The following SPG11 variants were observed in gnomAD, a reference collection of about 807,000 sequenced individuals.
SPG11 encodes SPG11 vesicle trafficking associated, spatacsin.
SPG11 carries 222 observed loss-of-function variants against 274.0 expected under a neutral mutation model. The ratio of observed to expected loss-of-function variants is 0.81; its 90% CI spans 0.73 to 0.91. SPG11 has a LOEUF of 0.91. Ranked by LOEUF, SPG11 falls within the 40% of genes least tolerant of loss-of-function variation. SPG11 has a pLI of 0.00. For synonymous variants in SPG11, 1,144 were observed against 1,039.7 expected (o/e 1.10, Z -1.93); for missense variants, 3,114 against 2,872.7 (o/e 1.08, Z -1.92).
In SPG11 at chr15:44,597,563, T is replaced by C. The variant is rs182046013; in HGVS notation, c.4002-620A>G. Among the ~76,000 whole-genome samples, 105 of 152,338 alleles carry C rather than the reference T, an allele frequency of 6.9e-4. 2 individuals are homozygous for C. Among genetic ancestry groups the C allele is most frequent in the South Asian group, 1.9e-3 (9 of 4,830 alleles). On this transcript the variant is annotated intron_variant, in intron 23 of 39. Coordinates refer to ENST00000261866, the MANE Select transcript of SPG11 (RefSeq NM_025137.4). The stretch of plus-strand genomic sequence containing the variant: ...CTGAGGAAGTTGTCAGTCAAGAAAC[T>C]TTCTGAGCACTTATTTCTCTTGCTC...
intron 4 of SPG11, among the ~76,000 whole-genome samples, chr15:44,653,226 A>G (rs1372651269): frequency 6.6e-6 from 1 of 152,216 alleles, no homozygotes; most frequent in Non-Finnish European, 1.5e-5. Context: ...CAGAAAAGCA[A>G]TATGAACAGA....
rs1364395404 is a variant in SPG11 at position 44,606,063 on chromosome 15, A to T, written c.3482T>A (p.Leu1161Ter). 6.2e-7 allele frequency: 1 copy of T among 1,613,628 alleles called. No homozygotes were observed. The highest frequency in any genetic ancestry group is 1.1e-5 in the South Asian group (1 of 91,078). Reference sequence around the variant, plus strand: ...TGTGTTAGCAGACTGCCAGCCAAACAATCTGCTAGGATCAAAGGGTGATAA... The same window carrying T: ...TGTGTTAGCAGACTGCCAGCCAAACTATCTGCTAGGATCAAAGGGTGATAA... The part of the protein sequence containing the change: ...QSLSPFDPSR[L>*]FGWQSANTLA... Residue 1161 changes from leucine (L) to a stop codon, truncating the protein, a stop_gained, in exon 20 of 40, where the codon TTG becomes TAG. Coordinates refer to ENST00000261866, the MANE Select transcript of SPG11 (RefSeq NM_025137.4). LOFTEE classifies it high-confidence loss of function.
intron 30 of SPG11, among the ~76,000 whole-genome samples, 185 bp downstream of exon 30, chr15:44,583,629 G>A (rs2082697865): frequency 6.6e-6 from 1 of 152,166 alleles, no homozygotes; most frequent in Admixed American, 6.5e-5. Context: ...AACATAGCTA[G>A]TTTAAAAGAC....
At chr15:44,617,626 T>C (rs1168374253) in intron 15 of SPG11, among the ~76,000 whole-genome samples, 1 of 152,182 alleles carries the variant, frequency 6.6e-6, no homozygotes. Context: ...TAAGTTTTGA[T>C]ATCTGGTAGG....
chr15:44,663,638 C>T lies in SPG11; in HGVS notation c.10G>A (p.Glu4Lys), dbSNP rs765163502. 19 of 1,594,366 alleles carry T rather than the reference C, an allele frequency of 1.2e-5. No homozygotes were observed. In the African/African-American group the frequency reaches 2.3e-4, roughly 19 times the overall value. ...GAAGCAGCACTCGCGACCCCTTCCTCTGCAGCCATCTTGGCCCGGCGGTTA... is the reference window on the plus strand; with the variant it reads ...GAAGCAGCACTCGCGACCCCTTCCTTTGCAGCCATCTTGGCCCGGCGGTTA... MAA[E>K]EGVASAASAG... Residue 4 changes from glutamate to lysine, a missense_variant, in exon 1 of 40, where the codon GAG (glutamate) becomes AAG (lysine). Physicochemically the swap from Glu to Lys is moderately conservative, Grantham distance 56 (BLOSUM62 1). Coordinates refer to ENST00000261866, the MANE Select transcript of SPG11 (RefSeq NM_025137.4).
rs768025841 is a variant in SPG11, at chr15:44,567,488, C to T, written c.6690G>A (p.Glu2230=). ...CAGCTGCCTCGTGGTTCTCGCCAAT[C>T]TCCCGGCACATGCTGAAGCACAGGG... is the stretch of plus-strand genomic sequence containing the variant. ...MIALCFSMCR[E]IGENHEAAAR... The change falls in exon 36 of 40, where the codon GAG becomes GAA. Residue 2230 remains glutamate, a synonymous_variant. Transcript: ENST00000261866. 3 of 1,614,008 alleles carry T rather than the reference C, an allele frequency of 1.9e-6. No individual in the cohort carries two copies. Among genetic ancestry groups the T allele is most frequent in the Non-Finnish European group, 2.5e-6 (3 of 1,179,964 alleles).
chr15:44,563,373 CTG>C, intron 39 of SPG11, 72 bp from the exon 40 acceptor site: 2 of 1,431,796 alleles, frequency 1.4e-6, no homozygotes, highest in East Asian at 4.6e-5. Context: ...CAGTCTTACT[CTG>C]TTGCCCAGGC....
intron 22 of SPG11, 118 bp from the exon 23 acceptor site, chr15:44,598,491 T>C (rs1333428414): frequency 8.0e-7 from 1 of 1,253,316 alleles, no homozygotes; most frequent in East Asian, 2.4e-5. Context: ...CCCAAGAAAG[T>C]GAGACAAAGA....
chr15:44,660,583 T>C lies in SPG11; in HGVS notation c.291A>G (p.Thr97=). 6.2e-7 allele frequency: 1 copy of C among 1,614,194 alleles called. No individual in the cohort carries two copies. Among genetic ancestry groups the C allele is most frequent in the South Asian group, 1.1e-5 (1 of 91,084 alleles). Residue 97 remains threonine, a synonymous_variant, in exon 2 of 40, where the codon ACA becomes ACG. Coordinates refer to ENST00000261866, the MANE Select transcript of SPG11 (RefSeq NM_025137.4). ...CGAGCAGTTTGGGCTTTTCAGTTGGTGTGCTGCTGTTACGAGAATCCTCCC... is the reference window on the plus strand; with the variant it reads ...CGAGCAGTTTGGGCTTTTCAGTTGGCGTGCTGCTGTTACGAGAATCCTCCC... ...FLWEDSRNSS[T]PTEKPKLLAL...
At position 44,564,674 on chromosome 15, in the gene SPG11, C is replaced by A. The variant is rs529842519; in HGVS notation, c.7024G>T (p.Asp2342Tyr). ...YQASIVAEAY[D>Y]FVPDWAEILY... ...ATTTCAGCCCAATCTGGAACAAAATCGTAGGCCTCAGCCACAATAGAAGCC... is the reference window on the plus strand; with the variant it reads ...ATTTCAGCCCAATCTGGAACAAAATAGTAGGCCTCAGCCACAATAGAAGCC... Residue 2342 changes from aspartate to tyrosine, a missense_variant, in exon 39 of 40, where the codon GAT (aspartate) becomes TAT (tyrosine). Physicochemically the swap from Asp to Tyr is radical, Grantham distance 160. Coordinates refer to ENST00000261866, the MANE Select transcript of SPG11 (RefSeq NM_025137.4). 5 of 1,614,006 alleles carry A rather than the reference C, an allele frequency of 3.1e-6. No homozygotes were observed.
At chr15:44,606,988 T>C (rs189853054) in intron 19 of SPG11, among the ~76,000 whole-genome samples, 68 of 152,330 alleles carry the variant, frequency 4.5e-4, no homozygotes, top group African/African-American at 1.6e-3. Flanking sequence ...TTTTACATAA[T>C]CCACTTTATC....
At chr15:44,618,580 G>C (rs2083654628) in intron 15 of SPG11, among the ~76,000 whole-genome samples, 1 of 150,764 alleles carries the variant, frequency 6.6e-6, no homozygotes, top group African/African-American at 2.4e-5. Flanking sequence ...CACTTTGGGA[G>C]GCCGAGGCGG....
chr15:44,600,100 T>A (rs1265566778), intron 21 of SPG11, among the ~76,000 whole-genome samples: 1 of 152,180 alleles, frequency 6.6e-6, no homozygotes, highest in Non-Finnish European at 1.5e-5. Flanking sequence ...TTTTTTCCAA[T>A]TAACAAAAAT....
chr15:44,615,490 T>A lies in SPG11; in HGVS notation c.2911A>T (p.Ile971Leu), dbSNP rs1336227784. The A allele has an allele frequency of 6.2e-7, 1 of 1,613,994 alleles. No homozygotes were observed. Among genetic ancestry groups the A allele is most frequent in the Non-Finnish European group, 8.5e-7 (1 of 1,179,912 alleles). The change falls in exon 16 of 40, where the codon ATA becomes TTA. Residue 971 changes from isoleucine to leucine, a missense_variant. By Grantham distance (5) the Ile-to-Leu change is conservative. Transcript: ENST00000261866. ...TTTTGAACAGGGAGGGTATCCTGTA[T>A]TACACCTCCAATACGGCTCAGTCTT... ...LLRLSRIGGV[I>L]QDTLPVQNYK...
Position 44,565,979 on chromosome 15 carries a change from GAC to G in SPG11, c.6872_6873del (p.Cys2291SerfsTer48). 1 of 1,613,912 alleles carries G rather than the reference GAC, an allele frequency of 6.2e-7. No individual in the cohort carries two copies. The highest frequency in any genetic ancestry group is 8.5e-7 in the Non-Finnish European group (1 of 1,180,022). On this transcript the variant is annotated frameshift_variant, in exon 38 of 40. Coordinates refer to ENST00000261866, the MANE Select transcript of SPG11 (RefSeq NM_025137.4). LOFTEE classifies it high-confidence loss of function. ...KDSCVRQAQHCQRLTKLITLQ... is the reference protein window; with the variant it reads ...KDSCVRQAQHXQRLTKLITLQ... ...AGAGTTATCAACTTGGTGAGCCGCTGACAGTGCTGGGCCTGTCGCACACAGGA... is the reference window on the plus strand; with the variant it reads ...AGAGTTATCAACTTGGTGAGCCGCTGAGTGCTGGGCCTGTCGCACACAGGA...
chr15:44,584,926 G>A (rs957610883), intron 29 of SPG11, among the ~76,000 whole-genome samples: 15 of 152,280 alleles, frequency 9.9e-5, no homozygotes, highest in African/African-American at 3.6e-4. Flanking sequence ...ACTGCACCTG[G>A]CCTTATCATA....
chr15:44,622,819 C>G lies in SPG11; in HGVS notation c.2245-20G>C. The stretch of plus-strand genomic sequence containing the variant: ...AAACCCCTAAAATAAACATAGAAAA[C>G]CAAAAAAAGTTACATTTTGTAATGG... On this transcript the variant is annotated intron_variant, in intron 11 of 39. Coordinates refer to ENST00000261866, the MANE Select transcript of SPG11 (RefSeq NM_025137.4). 1 of 1,591,240 alleles carries G rather than the reference C, an allele frequency of 6.3e-7. No individual in the cohort carries two copies. Among genetic ancestry groups the G allele is most frequent in the Non-Finnish European group, 8.6e-7 (1 of 1,159,694 alleles).
At chr15:44,653,702 T>C (rs960512841) in intron 4 of SPG11, among the ~76,000 whole-genome samples, 3 of 152,168 alleles carry the variant, frequency 2.0e-5, no homozygotes, top group African/African-American at 7.2e-5. Context: ...ATTAACTGGA[T>C]GTGGATCTAA....
In SPG11 at chr15:44,620,419, C is replaced by A. The variant is rs905019416; in HGVS notation, c.2621-16G>T. On this transcript the variant is annotated splice_polypyrimidine_tract_variant and intron_variant, in intron 14 of 39. Coordinates refer to ENST00000261866, the MANE Select transcript of SPG11 (RefSeq NM_025137.4). ...GATTTGTATTCTACATGAAAAAAAA[C>A]ACATTTTAAAATATAATTAATTATG... The A allele has an allele frequency of 5.8e-6, 9 of 1,554,882 alleles. No individual in the cohort carries two copies. Among genetic ancestry groups the A allele is most frequent in the Non-Finnish European group, 7.1e-6 (8 of 1,131,152 alleles).
Sources: allele counts gnomAD v4.1 joint callset (sites outside exome capture counted in the v4.1 genomes callset), GRCh38; gene constraint gnomAD v4.1.1; transcripts MANE v1.5; gene names NCBI Gene and HGNC (gene_info 2026-07-23, HGNC 2026-07-21).